IKZF2: variants seen among roughly 807,000 people sequenced by gnomAD.
The protein encoded by IKZF2 is IKAROS family zinc finger 2, also known as zinc finger protein Helios.
IKZF2 carries 15 observed loss-of-function variants against 49.2 expected under a neutral mutation model. The ratio of observed to expected loss-of-function variants is 0.30; its 90% CI spans 0.20 to 0.47. The LOEUF is 0.47. IKZF2 is among the 20% of genes least tolerant of loss of function. The probability of loss-of-function intolerance (pLI) is 1.00; values close to 1 mark genes in which losing one functional copy is unlikely to be tolerated. For synonymous variants in IKZF2, 227 were observed against 221.4 expected (o/e 1.03, Z -0.23); for missense variants, 567 against 664.6 (o/e 0.85, Z 1.61).
At chr2:213,046,928 G>C (rs1031440183) in intron 6 of IKZF2, among the ~76,000 whole-genome samples, 12 of 151,956 alleles carry the variant, frequency 7.9e-5, no homozygotes, top group Admixed American at 3.3e-4. Flanking sequence ...CAATTACATG[G>C]ACTTCCTCTT....
chr2:213,108,903 T>C (rs1486182148), intron 4 of IKZF2, among the ~76,000 whole-genome samples: 1 of 152,086 alleles, frequency 6.6e-6, no homozygotes, highest in Admixed American at 6.6e-5. Flanking sequence ...TGTATATTCA[T>C]CTCATCTTTC....
At chr2:213,040,870 C>A (rs955991507) in intron 6 of IKZF2, among the ~76,000 whole-genome samples, 1 of 152,206 alleles carries the variant, frequency 6.6e-6, no homozygotes, top group Non-Finnish European at 1.5e-5. Context: ...GTAATCCCAG[C>A]ACTTTGGGAG....
chr2:213,092,909 C>T (rs547349003), intron 4 of IKZF2, among the ~76,000 whole-genome samples: 6 of 152,224 alleles, frequency 3.9e-5, no homozygotes, highest in South Asian at 2.1e-4. Flanking sequence ...TCCCAGAAGG[C>T]GCTGGACATC....
intron 6 of IKZF2, among the ~76,000 whole-genome samples, chr2:213,024,626 G>A (rs1166297355): frequency 6.6e-6 from 1 of 151,852 alleles, no homozygotes; most frequent in Non-Finnish European, 1.5e-5. Flanking sequence ...GGGGAGTGAG[G>A]GTGGAAAGGC....
chr2:213,052,638 C>T (rs1444079492), intron 5 of IKZF2, among the ~76,000 whole-genome samples: 1 of 151,814 alleles, frequency 6.6e-6, no homozygotes, highest in East Asian at 1.9e-4. Context: ...CTGTTAGAAA[C>T]AAGGATTAAA....
At chr2:213,075,147 T>C (rs985877112) in intron 4 of IKZF2, among the ~76,000 whole-genome samples, 1 of 152,202 alleles carries the variant, frequency 6.6e-6, no homozygotes, top group African/African-American at 2.4e-5. Flanking sequence ...TGGCTTAATA[T>C]GGCCTTATCG....
chr2:213,082,439 G>T (rs1422420463), intron 4 of IKZF2, among the ~76,000 whole-genome samples: 7 of 152,064 alleles, frequency 4.6e-5, no homozygotes, highest in Non-Finnish European at 2.9e-5. Flanking sequence ...TTATATTAAT[G>T]CAAGAAATAA....
chr2:213,151,869 G>C (rs910559527), upstream of IKZF2, among the ~76,000 whole-genome samples: 35 of 150,206 alleles, frequency 2.3e-4, no homozygotes, highest in Non-Finnish European at 3.7e-4. Context: ...GCGCGCGCGC[G>C]GGCTGGCGGG....
Position 213,004,377 on chromosome 2 carries a change from T to A in IKZF2, c.*2983A>T, listed in dbSNP as rs901739612. The A allele has an allele frequency of 6.6e-6, 1 of 151,856 alleles. No homozygotes were observed. Among genetic ancestry groups the A allele is most frequent in the Non-Finnish European group, 1.5e-5 (1 of 67,870 alleles). 9.4% of individuals were successfully genotyped at this position (151,856 alleles called of 1,614,324 possible). ...TTTCCCTGTCTTAAAAAGGTCCAAT[T>A]AGAATGGCTTTTGAGCATGATTCAT... is the stretch of plus-strand genomic sequence containing the variant. On this transcript the variant is annotated 3_prime_UTR_variant, in exon 9 of 9. Coordinates refer to ENST00000434687, the MANE Select transcript of IKZF2 (RefSeq NM_001387220.1).
chr2:213,134,719 C>A (rs542694816), intron 4 of IKZF2, among the ~76,000 whole-genome samples: 1 of 152,302 alleles, frequency 6.6e-6, no homozygotes, highest in African/African-American at 2.4e-5. Flanking sequence ...TTAGCTTCTA[C>A]CAGAAACCAT....
At position 213,007,535 on chromosome 2, in the gene IKZF2, C is replaced by T. The variant is rs1011683265; in HGVS notation, c.1406G>A (p.Arg469Lys). ...TCGGCAGTGCTCACACTTGAAGGCC[C>T]TAATCTGTTCTCCTTCTCCATTGAA... is the stretch of plus-strand genomic sequence containing the variant. ...KVFNGEGEQI[R>K]AFKCEHCRVL... Residue 469 changes from arginine to lysine, a missense_variant, in exon 9 of 9, where the codon AGG becomes AAG. Around this residue, in one of 5 missense-constraint regions of IKZF2, gnomAD observed 22 missense variants for 52.3 expected, o/e 0.42. Coordinates refer to ENST00000434687, the MANE Select transcript of IKZF2 (RefSeq NM_001387220.1). 1 of 1,613,616 alleles carries T rather than the reference C, an allele frequency of 6.2e-7. No homozygotes were observed. Among genetic ancestry groups the T allele is most frequent in the Non-Finnish European group, 8.5e-7 (1 of 1,179,744 alleles).
intron 2 of IKZF2, among the ~76,000 whole-genome samples, chr2:213,149,065 G>A (rs1397718462): frequency 6.6e-6 from 1 of 152,176 alleles, no homozygotes; most frequent in Non-Finnish European, 1.5e-5. Context: ...ATTGTTGCAA[G>A]TTGGTTCATC....
chr2:213,124,660 G>A (rs1213233096), intron 4 of IKZF2, among the ~76,000 whole-genome samples: 1 of 152,208 alleles, frequency 6.6e-6, no homozygotes, highest in African/African-American at 2.4e-5. Flanking sequence ...AGTACAGGGT[G>A]AGTCTAAACC....
chr2:213,150,064 C>CT (rs1356626868), intron 2 of IKZF2, 80 bp downstream of exon 2: 1 of 687,480 alleles, frequency 1.5e-6, no homozygotes, highest in Non-Finnish European at 2.2e-6. Flanking sequence ...AAGGCTGCCC[C>CT]ATCAATGAAA....
rs573219005 is a variant in IKZF2 at position 213,027,900 on chromosome 2, C to T, written c.575-5770G>A. ...AAAGTCTCTAATTTGGATGTTTGTC[C>T]CTTACCTCTCAAGAAATATGTGTCT... is the stretch of plus-strand genomic sequence containing the variant. On this transcript the variant is annotated intron_variant, in intron 6 of 8. Coordinates refer to ENST00000434687, the MANE Select transcript of IKZF2 (RefSeq NM_001387220.1). Among the ~76,000 whole-genome samples the T allele has an allele frequency of 3.3e-5, 5 of 151,962 alleles. 1 individual carries two copies. In the South Asian group the frequency reaches 1.0e-3, roughly 32 times the overall value.
chr2:213,077,916 T>A (rs1425998731), intron 4 of IKZF2, among the ~76,000 whole-genome samples: 1 of 152,120 alleles, frequency 6.6e-6, no homozygotes, highest in East Asian at 1.9e-4. Flanking sequence ...TTTTTAATCA[T>A]GTTTACATTA....
At chr2:213,096,637 A>G (rs1303597936) in intron 4 of IKZF2, among the ~76,000 whole-genome samples, 2 of 152,016 alleles carry the variant, frequency 1.3e-5, no homozygotes, top group Non-Finnish European at 2.9e-5. Context: ...GTAATTTCCA[A>G]TAATAATACT....
intron 4 of IKZF2, among the ~76,000 whole-genome samples, chr2:213,096,279 C>T (rs1279714110): frequency 1.3e-5 from 2 of 151,924 alleles, no homozygotes; most frequent in African/African-American, 4.8e-5. Flanking sequence ...CAAAATAAAG[C>T]TGCTAACTAT....
At chr2:213,042,690 TGAATA>T (rs961078753) in intron 6 of IKZF2, among the ~76,000 whole-genome samples, 4 of 151,964 alleles carry the variant, frequency 2.6e-5, no homozygotes, top group Non-Finnish European at 4.4e-5. Flanking sequence ...TCTTTAAAAA[TGAATA>T]GAAGTCTGAC....
Sources: allele counts gnomAD v4.1 joint callset (sites outside exome capture counted in the v4.1 genomes callset), GRCh38; gene constraint gnomAD v4.1.1; regional missense constraint gnomAD v4.1.1; transcripts MANE v1.5; gene names NCBI Gene and HGNC (gene_info 2026-07-23, HGNC 2026-07-21).